The following DLG1 variants were observed in gnomAD, a reference collection of about 807,000 sequenced individuals.
The protein encoded by DLG1 is discs large MAGUK scaffold protein 1.
DLG1 carries 42 observed loss-of-function variants against 123.4 expected under a neutral mutation model. That is an observed-to-expected ratio of 0.34 (90% confidence interval 0.27 to 0.44). DLG1 has a LOEUF of 0.44. Ranked by LOEUF, DLG1 falls within the 20% of genes least tolerant of loss-of-function variation. DLG1 has a pLI of 1.00. For missense variants in DLG1, 942 were observed against 1,082.6 expected (o/e 0.87, Z 1.82); for synonymous variants, 317 against 356.2 (o/e 0.89, Z 1.24).
At chr3:197,183,548 A>C in intron 5 of DLG1, 1 of 1,539,372 alleles carries the variant, frequency 6.5e-7, no homozygotes, top group Admixed American at 2.0e-5. Context: ...AATAGATTGA[A>C]AATAATTTCA....
chr3:197,275,828 T>C (rs1766152962), intron 4 of DLG1, among the ~76,000 whole-genome samples: 1 of 152,164 alleles, frequency 6.6e-6, no homozygotes, highest in South Asian at 2.1e-4. Context: ...TAGGTGACTA[T>C]AGGTAACAAC....
In DLG1 at chr3:197,206,762, A is replaced by G. The variant is rs1176724251; in HGVS notation, c.319-12173T>C. On this transcript the variant is annotated intron_variant, in intron 4 of 24. Coordinates refer to ENST00000667157, the MANE Select transcript of DLG1 (RefSeq NM_001366207.1). ...ATAAAAAAATTAGAAGGACAAGGATAAAATTACCACAATTTACAGATCACC... is the reference window on the plus strand; with the variant it reads ...ATAAAAAAATTAGAAGGACAAGGATGAAATTACCACAATTTACAGATCACC... Among the ~76,000 whole-genome samples the G allele has an allele frequency of 3.9e-5, 6 of 152,330 alleles. No homozygotes were observed. In the South Asian group the frequency reaches 8.3e-4, roughly 21 times the overall value.
intron 4 of DLG1, among the ~76,000 whole-genome samples, chr3:197,231,692 C>T (rs1743159560): frequency 2.2e-5 from 2 of 91,228 alleles, no homozygotes; most frequent in Admixed American, 1.1e-4. Context: ...AGAACCAGAC[C>T]CTGTTAAAAA....
intron 4 of DLG1, among the ~76,000 whole-genome samples, chr3:197,227,565 T>G (rs1265142423): frequency 6.6e-6 from 1 of 152,166 alleles, no homozygotes; most frequent in East Asian, 1.9e-4. Context: ...AACAGCCTGG[T>G]CTCTGTATGC....
chr3:197,231,246 T>C (rs953955138), intron 4 of DLG1, among the ~76,000 whole-genome samples: 2 of 152,216 alleles, frequency 1.3e-5, no homozygotes, highest in Admixed American at 6.5e-5. Flanking sequence ...TGCTGTCTTT[T>C]TGAAACGGCA....
At chr3:197,065,513 T>C in intron 21 of DLG1, 65 bp from the exon 22 acceptor site, 1 of 1,365,798 alleles carries the variant, frequency 7.3e-7, no homozygotes, top group South Asian at 1.4e-5. Flanking sequence ...AAATCCATTT[T>C]CTACTTACAT....
At chr3:197,153,637 G>T (rs1274186060) in intron 5 of DLG1, among the ~76,000 whole-genome samples, 1 of 152,138 alleles carries the variant, frequency 6.6e-6, no homozygotes, top group Non-Finnish European at 1.5e-5. Context: ...CCAGGAGATT[G>T]AAAGAGCTGG....
intron 5 of DLG1, among the ~76,000 whole-genome samples, chr3:197,163,687 ATTTTT>A (rs56865627): frequency 2.0e-5 from 2 of 102,026 alleles, no homozygotes; most frequent in African/African-American, 3.8e-5. Context: ...ATGCTCAGCT[ATTTTT>A]TTTTTTTTTT....
At chr3:197,192,710 C>A (rs2150242053) in intron 5 of DLG1, among the ~76,000 whole-genome samples, 1 of 152,068 alleles carries the variant, frequency 6.6e-6, no homozygotes, top group Non-Finnish European at 1.5e-5. Flanking sequence ...ATAAACATGT[C>A]TTTATGTATG....
At chr3:197,254,054 A>G (rs1312153417) in intron 4 of DLG1, among the ~76,000 whole-genome samples, 2 of 152,220 alleles carry the variant, frequency 1.3e-5, no homozygotes, top group African/African-American at 4.8e-5. Context: ...TCAGGTGGGC[A>G]AAGGAATGGA....
In DLG1 at chr3:197,231,476, G is replaced by A. The variant is rs997837251; in HGVS notation, c.319-36887C>T. On this transcript the variant is annotated intron_variant, in intron 4 of 24. Coordinates refer to ENST00000667157, the MANE Select transcript of DLG1 (RefSeq NM_001366207.1). ...CAACACTTTGGGAGGCCGAGCGGGC[G>A]GGTCGCTTAAGCTCAGGAATTCAAG... is the stretch of plus-strand genomic sequence containing the variant. Among the ~76,000 whole-genome samples the A allele has an allele frequency of 5.3e-5, 8 of 152,020 alleles. No individual in the cohort carries two copies. In the East Asian group the frequency reaches 5.8e-4, roughly 11 times the overall value.
In DLG1 at chr3:197,291,300, T is replaced by TACACACACAC. The variant is rs33920543; in HGVS notation, c.151+5036_151+5045dup. Among the ~76,000 whole-genome samples, 707 of 143,270 alleles carry TACACACACAC rather than the reference T, an allele frequency of 4.9e-3. 1 individual carries two copies. Among genetic ancestry groups the TACACACACAC allele is most frequent in the African/African-American group, 0.01 (391 of 38,296 alleles). 94.0% of individuals were successfully genotyped at this position (143,270 alleles called of 152,430 possible). ...CTTACTCAAATCTAGCCTACAAAGTTACACACACACACACACACACACACA... is the reference window on the plus strand; with the variant it reads ...CTTACTCAAATCTAGCCTACAAAGTTACACACACACACACACACACACACACACACACACA... On this transcript the variant is annotated intron_variant, in intron 3 of 24. Coordinates refer to ENST00000667157, the MANE Select transcript of DLG1 (RefSeq NM_001366207.1).
At position 197,130,215 on chromosome 3, in the gene DLG1, G is replaced by C. The variant is rs113526580; in HGVS notation, c.1165+312C>G. Reference sequence around the variant, plus strand: ...TCAAGCAAATTTCTGTGCTCAAGTGGAAAACTTAGAACAAAACAATTTCAA... The same window carrying C: ...TCAAGCAAATTTCTGTGCTCAAGTGCAAAACTTAGAACAAAACAATTTCAA... On this transcript the variant is annotated intron_variant, in intron 11 of 24. Coordinates refer to ENST00000667157, the MANE Select transcript of DLG1 (RefSeq NM_001366207.1). 9.7e-3 allele frequency among the ~76,000 whole-genome samples: 1,476 copies of C among 152,160 alleles called. 17 individuals are homozygous for C. The highest frequency in any genetic ancestry group is 0.023 in the African/African-American group (957 of 41,540).
At position 197,130,232 on chromosome 3, in the gene DLG1, C is replaced by T. The variant is rs559552760; in HGVS notation, c.1165+295G>A. On this transcript the variant is annotated intron_variant, in intron 11 of 24. Coordinates refer to ENST00000667157, the MANE Select transcript of DLG1 (RefSeq NM_001366207.1). The stretch of plus-strand genomic sequence containing the variant: ...CTCAAGTGGAAAACTTAGAACAAAA[C>T]AATTTCAATATTTGCAAATGTTCTT... 3.3e-5 allele frequency among the ~76,000 whole-genome samples: 5 copies of T among 152,164 alleles called. No individual in the cohort carries two copies. In the South Asian group the frequency reaches 1.0e-3, roughly 32 times the overall value.
chr3:197,195,292 TA>T (rs1412487490), intron 4 of DLG1, among the ~76,000 whole-genome samples: 2,879 of 143,018 alleles, frequency 0.02, 50 homozygotes, highest in African/African-American at 0.046. Context: ...ATCAATGATT[TA>T]AAAAAAAAAA....
chr3:197,131,815 G>C lies in DLG1; in HGVS notation c.1021-1144C>G, dbSNP rs532093969. 3.0e-4 allele frequency among the ~76,000 whole-genome samples: 45 copies of C among 151,314 alleles called. No homozygotes were observed. In the East Asian group the frequency reaches 7.8e-3, roughly 26 times the overall value. ...TCACCGTTTTAGCCGGGATGGTCTC[G>C]ATCTCCTGACCTCGTGATCCGCCCG... On this transcript the variant is annotated intron_variant, in intron 10 of 24. Transcript: ENST00000667157.
chr3:197,292,968 T>A (rs934534743), intron 3 of DLG1, among the ~76,000 whole-genome samples: 2 of 152,168 alleles, frequency 1.3e-5, no homozygotes, highest in Non-Finnish European at 2.9e-5. Flanking sequence ...GGACTAGCAG[T>A]GTCATCTCAG....
chr3:197,296,773 A>G, intron 2 of DLG1: 1 of 359,282 alleles, frequency 2.8e-6, no homozygotes, highest in Non-Finnish European at 4.9e-6. Flanking sequence ...TATTAGCAAC[A>G]GTTTCAGATT....
intron 13 of DLG1, among the ~76,000 whole-genome samples, chr3:197,113,556 T>TA (rs1771312955): frequency 6.6e-6 from 1 of 152,200 alleles, no homozygotes; most frequent in African/African-American, 2.4e-5. Context: ...TGTCTCATAT[T>TA]AAGACAGTAG....
Sources: allele counts gnomAD v4.1 joint callset (sites outside exome capture counted in the v4.1 genomes callset), GRCh38; gene constraint gnomAD v4.1.1; transcripts MANE v1.5; gene names NCBI Gene and HGNC (gene_info 2026-07-23, HGNC 2026-07-21).